Variants in ADAMTS3 observed in about 807,000 individuals in gnomAD.
ADAMTS3 encodes ADAM metallopeptidase with thrombospondin type 1 motif 3.
ADAMTS3 carries 73 observed loss-of-function variants against 129.0 expected under a neutral mutation model. That is an observed-to-expected ratio of 0.57 (90% CI 0.47 to 0.69). The LOEUF is 0.69. ADAMTS3 is among the 30% of genes least tolerant of loss of function. The probability of loss-of-function intolerance (pLI) is 0.00; values close to 1 mark genes in which losing one functional copy is unlikely to be tolerated. For missense variants in ADAMTS3, 1,457 were observed against 1,514.5 expected (o/e 0.96, Z 0.63); for synonymous variants, 477 against 510.8 (o/e 0.93, Z 0.89).
chr4:72,506,753 T>C (rs1720169140), intron 3 of ADAMTS3, among the ~76,000 whole-genome samples: 1 of 152,206 alleles, frequency 6.6e-6, no homozygotes, highest in Non-Finnish European at 1.5e-5. Flanking sequence ...AGGGAGGTTC[T>C]CTGCTTCTCT....
chr4:72,358,958 A>G (rs1467842034), intron 4 of ADAMTS3, among the ~76,000 whole-genome samples: 1 of 151,958 alleles, frequency 6.6e-6, no homozygotes, highest in African/African-American at 2.4e-5. Context: ...GCAGAGAGGT[A>G]TGAGGCCTTC....
intron 3 of ADAMTS3, among the ~76,000 whole-genome samples, chr4:72,445,291 G>C (rs1240277561): frequency 6.6e-6 from 1 of 151,688 alleles, no homozygotes; most frequent in Non-Finnish European, 1.5e-5. Flanking sequence ...ATAAATACTT[G>C]CTCATGTTTA....
intron 4 of ADAMTS3, among the ~76,000 whole-genome samples, chr4:72,404,759 T>C (rs895035577): frequency 1.3e-5 from 2 of 151,772 alleles, no homozygotes; most frequent in Non-Finnish European, 2.9e-5. Context: ...ATATCTGATA[T>C]GAGAATAATA....
intron 21 of ADAMTS3, among the ~76,000 whole-genome samples, chr4:72,283,928 A>G (rs1254572103): frequency 2.0e-5 from 3 of 152,178 alleles, no homozygotes; most frequent in African/African-American, 4.8e-5. Context: ...CATTATTTTA[A>G]TATTTCCACC....
chr4:72,520,875 C>A (rs1315621641), intron 3 of ADAMTS3, among the ~76,000 whole-genome samples: 3 of 152,076 alleles, frequency 2.0e-5, no homozygotes, highest in African/African-American at 7.2e-5. Flanking sequence ...TTTGGCACTG[C>A]CTAGTGAGAT....
intron 3 of ADAMTS3, among the ~76,000 whole-genome samples, chr4:72,495,631 C>CA (rs1198119596): frequency 2.6e-5 from 4 of 151,884 alleles, no homozygotes; most frequent in African/African-American, 4.8e-5. Flanking sequence ...ATAACAGTTG[C>CA]AAAAAAATAC....
chr4:72,443,296 T>G (rs138000653), intron 3 of ADAMTS3, among the ~76,000 whole-genome samples: 19 of 151,866 alleles, frequency 1.3e-4, no homozygotes, highest in Non-Finnish European at 2.4e-4. Flanking sequence ...TATATCATGT[T>G]ATAATTATGC....
intron 4 of ADAMTS3, among the ~76,000 whole-genome samples, chr4:72,377,366 A>G (rs1481883135): frequency 6.6e-6 from 1 of 152,190 alleles, no homozygotes; most frequent in African/African-American, 2.4e-5. Context: ...GTGTAAATGA[A>G]TATAAGATGT....
chr4:72,459,335 AT>A lies in ADAMTS3; in HGVS notation c.505-44365del, dbSNP rs558665070. Among the ~76,000 whole-genome samples, 240 of 151,752 alleles carry A rather than the reference AT, an allele frequency of 1.6e-3. 1 individual carries two copies. Among genetic ancestry groups the A allele is most frequent in the African/African-American group, 5.5e-3 (227 of 41,472 alleles). ...AGAACACTTTGGATAAGAATTTAAA[AT>A]TTATTTGCTAAATATTTCAATTCCG... On this transcript the variant is annotated intron_variant, in intron 3 of 21. Coordinates refer to ENST00000286657, the MANE Select transcript of ADAMTS3 (RefSeq NM_014243.3).
intron 3 of ADAMTS3, among the ~76,000 whole-genome samples, chr4:72,484,082 C>G (rs887884050): frequency 7.2e-5 from 11 of 152,084 alleles, no homozygotes; most frequent in African/African-American, 2.7e-4. Context: ...TCCATTTATT[C>G]TCAAACAGCC....
At chr4:72,429,610 T>C (rs1390245773) in intron 3 of ADAMTS3, among the ~76,000 whole-genome samples, 4 of 152,066 alleles carry the variant, frequency 2.6e-5, no homozygotes, top group Non-Finnish European at 4.4e-5. Flanking sequence ...TGATAACTAT[T>C]AAAGCTAGGA....
intron 5 of ADAMTS3, among the ~76,000 whole-genome samples, chr4:72,325,656 C>T (rs773802655): frequency 2.4e-4 from 37 of 152,052 alleles, no homozygotes; most frequent in Non-Finnish European, 3.5e-4. Flanking sequence ...ACTAAAGAAA[C>T]GGAAACAGAA....
At chr4:72,534,283 C>A (rs138704157) in intron 3 of ADAMTS3, among the ~76,000 whole-genome samples, 2 of 151,536 alleles carry the variant, frequency 1.3e-5, no homozygotes, top group Non-Finnish European at 2.9e-5. Flanking sequence ...GCTGAGATTG[C>A]GCCACTGCAC....
intron 2 of ADAMTS3, among the ~76,000 whole-genome samples, chr4:72,554,447 T>C (rs956379078): frequency 2.6e-5 from 4 of 152,294 alleles, no homozygotes; most frequent in East Asian, 3.9e-4. Flanking sequence ...AACGGCTCTG[T>C]TCTCTATTGA....
intron 3 of ADAMTS3, among the ~76,000 whole-genome samples, chr4:72,527,499 G>A (rs1578763939): frequency 1.3e-5 from 2 of 152,250 alleles, no homozygotes; most frequent in East Asian, 3.9e-4. Flanking sequence ...TACACAGTAA[G>A]TGATCAAAAA....
At chr4:72,384,747 C>G (rs1721391032) in intron 4 of ADAMTS3, among the ~76,000 whole-genome samples, 1 of 152,084 alleles carries the variant, frequency 6.6e-6, no homozygotes, top group East Asian at 1.9e-4. Flanking sequence ...ATCAAAAAGA[C>G]CAATATGTGG....
chr4:72,350,622 A>G (rs965061739), intron 4 of ADAMTS3, among the ~76,000 whole-genome samples: 1 of 151,876 alleles, frequency 6.6e-6, no homozygotes, highest in Non-Finnish European at 1.5e-5. Flanking sequence ...CTTGCTTGTA[A>G]GATTTATTAG....
At position 72,467,534 on chromosome 4, in the gene ADAMTS3, G is replaced by A. The variant is rs115966630; in HGVS notation, c.505-52563C>T. ...TCTCCAACTTCTCCTACATTATTTC[G>A]TCTTTATTCCATACTCTTACAATTT... On this transcript the variant is annotated intron_variant, in intron 3 of 21. Transcript: ENST00000286657. 2.1e-3 allele frequency among the ~76,000 whole-genome samples: 321 copies of A among 151,832 alleles called. 1 individual carries two copies. Among genetic ancestry groups the A allele is most frequent in the African/African-American group, 7.3e-3 (304 of 41,422 alleles).
intron 4 of ADAMTS3, among the ~76,000 whole-genome samples, chr4:72,390,335 C>T (rs969039852): frequency 1.3e-4 from 20 of 152,206 alleles, no homozygotes; most frequent in East Asian, 3.9e-4. Context: ...TTTGTGATGA[C>T]GGCACCAATG....
Sources: allele counts gnomAD v4.1 joint callset (sites outside exome capture counted in the v4.1 genomes callset), GRCh38; gene constraint gnomAD v4.1.1; transcripts MANE v1.5; gene names NCBI Gene and HGNC (gene_info 2026-07-23, HGNC 2026-07-21).